Variants in TFAP2D observed in about 807,000 individuals in gnomAD.
The protein encoded by TFAP2D is transcription factor AP-2 delta.
A neutral mutation model predicts 43.6 loss-of-function variants in TFAP2D; 9 were observed. The ratio of observed to expected loss-of-function variants is 0.21; its 90% CI spans 0.12 to 0.36. The LOEUF is 0.36. TFAP2D is among the 10% of genes least tolerant of loss of function. The pLI is 1.00. For missense variants in TFAP2D, 513 were observed against 561.4 expected, an observed-to-expected ratio of 0.91 and a Z score of 0.87; for synonymous variants, 256 against 224.9, an observed-to-expected ratio of 1.14 and a Z score of -1.24.
intron 5 of TFAP2D, among the ~76,000 whole-genome samples, chr6:50,741,598 A>C (rs1769046683): frequency 6.6e-6 from 1 of 152,130 alleles, no homozygotes; most frequent in South Asian, 2.1e-4. Context: ...TAAAGACAGA[A>C]ATACCATTCT....
intron 5 of TFAP2D, among the ~76,000 whole-genome samples, chr6:50,735,542 A>T (rs1000321804): frequency 3.3e-5 from 5 of 152,190 alleles, no homozygotes; most frequent in Admixed American, 6.5e-5. Flanking sequence ...TTAGGGGGAC[A>T]TTAAATCTTG....
chr6:50,729,616 A>G (rs1317959151), intron 5 of TFAP2D, among the ~76,000 whole-genome samples: 1 of 152,186 alleles, frequency 6.6e-6, no homozygotes, highest in Non-Finnish European at 1.5e-5. Flanking sequence ...CGCTCTTGTC[A>G]TTTGCATTAT....
At chr6:50,730,010 T>C (rs1468211440) in intron 5 of TFAP2D, among the ~76,000 whole-genome samples, 5 of 152,218 alleles carry the variant, frequency 3.3e-5, no homozygotes, top group Non-Finnish European at 7.4e-5. Flanking sequence ...GGCTTTTTTT[T>C]TAACATTGTG....
At chr6:50,728,833 T>A (rs1298232827) in intron 3 of TFAP2D, 23 bp from the exon 4 acceptor site, 1 of 1,612,574 alleles carries the variant, frequency 6.2e-7, no homozygotes, top group East Asian at 2.2e-5. Context: ...CACTAACATG[T>A]TATATACTTT....
At chr6:50,768,198 CAGGTGACCTT>C (rs1225981694) in intron 7 of TFAP2D, among the ~76,000 whole-genome samples, 1 of 149,608 alleles carries the variant, frequency 6.7e-6, no homozygotes, top group Non-Finnish European at 1.5e-5. Flanking sequence ...CGTTACCTTG[CAGGTGACCTT>C]AGTCTTATTT....
At position 50,728,863 on chromosome 6, in the gene TFAP2D, C is replaced by A; in HGVS notation, c.606C>A (p.Thr202=). 6.2e-7 allele frequency: 1 copy of A among 1,613,822 alleles called. No homozygotes were observed. The highest frequency in any genetic ancestry group is 2.2e-5 in the East Asian group (1 of 44,874). Residue 202 remains threonine (T), a synonymous_variant, in exon 4 of 8, where the codon ACC becomes ACA. Coordinates refer to ENST00000008391, the MANE Select transcript of TFAP2D (RefSeq NM_172238.4). ...TACTTTTTTTCTCCCAAGGTGGCAC[C>A]TGTGTGGTCAACCCCACAGACTTAT... ...GQGGVIRRGG[T]CVVNPTDLFC...
chr6:50,751,340 C>T lies in TFAP2D; in HGVS notation c.1139+16C>T, dbSNP rs1769197196. On this transcript the variant is annotated intron_variant, in intron 7 of 7. Coordinates refer to ENST00000008391, the MANE Select transcript of TFAP2D (RefSeq NM_172238.4). ...CACATTTCAGGTAAGACTGGTTTTC[C>T]AGTTTGCTCAAATTCTTTACTAACC... 1 of 1,566,856 alleles carries T rather than the reference C, an allele frequency of 6.4e-7. No individual in the cohort carries two copies. The highest frequency in any genetic ancestry group is 1.1e-5 in the South Asian group (1 of 89,980).
intron 6 of TFAP2D, among the ~76,000 whole-genome samples, chr6:50,749,553 A>C (rs2113885219): frequency 6.6e-6 from 1 of 152,026 alleles, no homozygotes; most frequent in African/African-American, 2.4e-5. Flanking sequence ...CATGAGGCTA[A>C]ATTTAAAATT....
intron 6 of TFAP2D, 27 bp downstream of exon 6, chr6:50,745,275 T>A: frequency 6.2e-7 from 1 of 1,606,972 alleles, no homozygotes; most frequent in Non-Finnish European, 8.5e-7. Context: ...AACCTCTGTG[T>A]GCTTTCATCT....
In TFAP2D at chr6:50,757,479, C is replaced by CTA. The variant is rs1437503141; in HGVS notation, c.1139+6166_1139+6167dup. Among the ~76,000 whole-genome samples the CTA allele has an allele frequency of 9.6e-5, 9 of 93,522 alleles. 1 individual carries two copies. Among genetic ancestry groups the CTA allele is most frequent in the Admixed American group, 1.5e-4 (1 of 6,676 alleles). The allele number at this position is 93,522 out of a possible 152,430, so 61.4% of individuals were successfully genotyped here. ...TATATATATAATATATATAATTATT[C>CTA]TATATATATATAATATATATAATTA... On this transcript the variant is annotated intron_variant, in intron 7 of 7. Transcript: ENST00000008391.
chr6:50,735,363 G>A (rs373452796), intron 5 of TFAP2D, among the ~76,000 whole-genome samples: 1 of 152,038 alleles, frequency 6.6e-6, no homozygotes, highest in Non-Finnish European at 1.5e-5. Flanking sequence ...TAGAAAAAGG[G>A]TTACCAATCT....
chr6:50,767,049 C>A (rs1769456229), intron 7 of TFAP2D, among the ~76,000 whole-genome samples: 1 of 152,120 alleles, frequency 6.6e-6, no homozygotes, highest in African/African-American at 2.4e-5. Context: ...TATCATGCAA[C>A]TTTATTGAAT....
chr6:50,760,836 G>A (rs139763482), intron 7 of TFAP2D, among the ~76,000 whole-genome samples: 2 of 151,826 alleles, frequency 1.3e-5, no homozygotes, highest in Admixed American at 6.6e-5. Flanking sequence ...ACTCAGAGCC[G>A]TGAGAGGAAG....
At position 50,715,240 on chromosome 6, in the gene TFAP2D, T is replaced by C; in HGVS notation, c.164T>C (p.Phe55Ser). The change falls in exon 2 of 8, where the codon TTT (phenylalanine) becomes TCT (serine). Residue 55 changes from phenylalanine to serine, a missense_variant. Transcript: ENST00000008391. ...ACTTACTCCACCACCGGCACCGAGT[T>C]TGCGTCCCCCTACTTCTCCACTAAC... is the stretch of plus-strand genomic sequence containing the variant. ...PLTYSTTGTE[F>S]ASPYFSTNHQ... is the part of the protein sequence containing the mutation. 1.2e-6 allele frequency: 2 copies of C among 1,613,902 alleles called. No homozygotes were observed. Among genetic ancestry groups the C allele is most frequent in the African/African-American group, 2.7e-5 (2 of 74,918 alleles).
At chr6:50,745,022 G>A in intron 5 of TFAP2D, 85 bp from the exon 6 acceptor site, 1 of 1,510,734 alleles carries the variant, frequency 6.6e-7, no homozygotes, top group Non-Finnish European at 9.0e-7. Flanking sequence ...CCACAGCCAG[G>A]AGTGAGGCTT....
At chr6:50,745,461 T>C (rs1158880245) in intron 6 of TFAP2D, among the ~76,000 whole-genome samples, 1 of 152,144 alleles carries the variant, frequency 6.6e-6, no homozygotes, top group African/African-American at 2.4e-5. Context: ...AAGGCTGTCA[T>C]TGAAACTGAT....
chr6:50,718,121 T>G (rs560601397), intron 2 of TFAP2D: 21 of 115,976 alleles, frequency 1.8e-4, no homozygotes, highest in African/African-American at 8.9e-4. Context: ...AGTCTCCAAG[T>G]TTTTTTTTTT....
At chr6:50,766,177 T>C (rs904059644) in intron 7 of TFAP2D, among the ~76,000 whole-genome samples, 16 of 152,200 alleles carry the variant, frequency 1.1e-4, no homozygotes, top group Admixed American at 5.9e-4. Flanking sequence ...GCTTACTACA[T>C]ATATGAGGGT....
rs141229147 is a variant in TFAP2D at position 50,730,083 on chromosome 6, T to C, written c.883+771T>C. On this transcript the variant is annotated intron_variant, in intron 5 of 7. Transcript: ENST00000008391. Reference sequence around the variant, plus strand: ...ATGTGGAATGCTATTGTTTAAAATATAAAAGGCAGGGGCCTTTTGCCAAGC... The same window carrying C: ...ATGTGGAATGCTATTGTTTAAAATACAAAAGGCAGGGGCCTTTTGCCAAGC... 2.7e-3 allele frequency among the ~76,000 whole-genome samples: 406 copies of C among 152,312 alleles called. 2 individuals carry two copies. The highest frequency in any genetic ancestry group is 6.8e-3 in the Middle Eastern group (2 of 294).
Sources: allele counts gnomAD v4.1 joint callset (sites outside exome capture counted in the v4.1 genomes callset), GRCh38; gene constraint gnomAD v4.1.1; transcripts MANE v1.5; gene names NCBI Gene and HGNC (gene_info 2026-07-23, HGNC 2026-07-21).